Variants in KCNC4 observed in about 807,000 individuals in gnomAD.
The protein encoded by KCNC4 is potassium voltage-gated channel subfamily C member 4.
KCNC4 carries 23 observed loss-of-function variants against 42.8 expected under a neutral mutation model. The observed-to-expected ratio is 0.54, with a 90% CI of 0.39 to 0.76. The LOEUF (loss-of-function observed/expected upper bound fraction) is 0.76. KCNC4 is among the 30% of genes least tolerant of loss of function. The pLI is 0.00. For synonymous variants in KCNC4, 422 were observed against 393.5 expected (o/e 1.07, Z -0.86); for missense variants, 751 against 898.2 (o/e 0.84, Z 2.10).
At chr1:110,272,251 T>G (rs141346336) in intron 1 of KCNC4, among the ~76,000 whole-genome samples, 62 of 152,342 alleles carry the variant, frequency 4.1e-4, no homozygotes, top group African/African-American at 1.1e-3. Context: ...AGATTCACCC[T>G]CTTGAGAATT....
At chr1:110,239,650 C>T (rs1350945148) in exon 4 of KCNC4, 1 of 152,178 alleles carries the variant, frequency 6.6e-6, no homozygotes, top group African/African-American at 2.4e-5. Context: ...TCTTATTCCT[C>T]GCAAGCTGTC....
chr1:110,212,237 G>A, intron 1 of KCNC4, 60 bp downstream of exon 1: 1 of 1,372,336 alleles, frequency 7.3e-7, no homozygotes, highest in Non-Finnish European at 9.3e-7. Context: ...GTGGTGGGTG[G>A]TGGGTAGGGG....
At chr1:110,251,682 G>A (rs1234281949), downstream of KCNC4, among the ~76,000 whole-genome samples, 1 of 152,224 alleles carries the variant, frequency 6.6e-6, no homozygotes, top group Non-Finnish European at 1.5e-5. Flanking sequence ...AGGAACTTAA[G>A]TGACTTGGTT....
At chr1:110,279,451 A>G (rs189118368) in intron 1 of KCNC4, among the ~76,000 whole-genome samples, 1 of 152,252 alleles carries the variant, frequency 6.6e-6, no homozygotes, top group African/African-American at 2.4e-5. Context: ...CCCAATAAAC[A>G]TTTGTGGAAT....
At chr1:110,213,254 G>A (rs74559041) in intron 1 of KCNC4, among the ~76,000 whole-genome samples, 3,048 of 151,544 alleles carry the variant, frequency 0.02, 54 homozygotes, top group Non-Finnish European at 0.035. Context: ...GGCTGGTGTC[G>A]GATCTCATGG....
intron 1 of KCNC4, among the ~76,000 whole-genome samples, chr1:110,276,348 T>C (rs1344900555): frequency 6.8e-6 from 1 of 146,882 alleles, no homozygotes; most frequent in Non-Finnish European, 1.5e-5. Context: ...GTGACCTTTA[T>C]ACGTGAAGAA....
intron 1 of KCNC4, among the ~76,000 whole-genome samples, chr1:110,265,027 G>A (rs1233984429): frequency 6.7e-6 from 1 of 149,442 alleles, no homozygotes; most frequent in African/African-American, 2.5e-5. Context: ...GTTGCAGTGA[G>A]CCGAGATTGT....
Position 110,211,321 on chromosome 1 carries a change from A to C in KCNC4, c.-179A>C. On this transcript the variant is annotated 5_prime_UTR_variant, in exon 1 of 4. Transcript: ENST00000438661. The surrounding 1 kb of genome is among the most constrained non-coding windows in gnomAD (Gnocchi z 6.5). ...ACCACCTGTGTACCGGAGAAATCCA[A>C]CTCCTCCCGCTCCGCGTCCTAGGGG... is the stretch of plus-strand genomic sequence containing the variant. 1.1e-6 allele frequency: 1 copy of C among 910,774 alleles called. No homozygotes were observed. The highest frequency in any genetic ancestry group is 1.7e-5 in the African/African-American group (1 of 58,598). The allele number at this position is 910,774 out of a possible 1,614,324, so 56.4% of individuals were successfully genotyped here.
At chr1:110,226,732 C>T (rs893286924) in intron 3 of KCNC4, among the ~76,000 whole-genome samples, 1 of 152,188 alleles carries the variant, frequency 6.6e-6, no homozygotes, top group Non-Finnish European at 1.5e-5. Context: ...TGAGGCAGTG[C>T]CAGAGATGAC....
chr1:110,275,946 C>T (rs12097232), intron 1 of KCNC4, among the ~76,000 whole-genome samples: 6 of 128,536 alleles, frequency 4.7e-5, no homozygotes, highest in African/African-American at 1.7e-4. Context: ...TGAAAAGAGA[C>T]TCCGCCTCAA....
chr1:110,246,761 C>CTT (rs1202421467), exon 4 of KCNC4: 2 of 71,478 alleles, frequency 2.8e-5, no homozygotes, highest in African/African-American at 1.2e-4. Flanking sequence ...CTTTCTTTTT[C>CTT]TTTTCTTTTT....
At chr1:110,215,627 C>T (rs142627171) in intron 1 of KCNC4, among the ~76,000 whole-genome samples, 109 of 152,264 alleles carry the variant, frequency 7.2e-4, no homozygotes, top group African/African-American at 2.6e-3. Flanking sequence ...AGGAGGGGAC[C>T]CACAGGAACT....
intron 1 of KCNC4, among the ~76,000 whole-genome samples, chr1:110,262,962 G>A (rs547061991): frequency 1.3e-5 from 2 of 152,216 alleles, no homozygotes; most frequent in Non-Finnish European, 2.9e-5. Flanking sequence ...ATAGCCCTGT[G>A]AACAACAGAG....
chr1:110,232,370 G>A, intron 3 of KCNC4: 2 of 1,577,282 alleles, frequency 1.3e-6, no homozygotes, highest in Non-Finnish European at 1.7e-6. Context: ...AGCTCCTTGG[G>A]ACAATGGAAT....
At chr1:110,282,369 T>G (rs1307381483) in intron 1 of KCNC4, among the ~76,000 whole-genome samples, 1 of 152,220 alleles carries the variant, frequency 6.6e-6, no homozygotes, top group African/African-American at 2.4e-5. Flanking sequence ...CTGTCATCTC[T>G]CTGCTTCTTT....
At chr1:110,232,380 T>C in intron 3 of KCNC4, 1 of 1,559,556 alleles carries the variant, frequency 6.4e-7, no homozygotes, top group Non-Finnish European at 8.7e-7. Context: ...GACAATGGAA[T>C]ATCCCAGGGT....
At position 110,220,122 on chromosome 1, in the gene KCNC4, G is replaced by A. The variant is rs544178991; in HGVS notation, c.679-2842G>A. 3 of 152,356 alleles carry A rather than the reference G, an allele frequency of 2.0e-5. No individual in the cohort carries two copies. The South Asian group carries it at 6.2e-4, about 32-fold the overall frequency. The allele number at this position is 152,356 out of a possible 1,614,324, so 9.4% of individuals were successfully genotyped here. On this transcript the variant is annotated intron_variant, in intron 1 of 3. Coordinates refer to ENST00000438661, the MANE Select transcript of KCNC4 (RefSeq NM_001039574.3). The stretch of plus-strand genomic sequence containing the variant: ...TTTGAGCTGAGAGTCAGGAGACTTG[G>A]CCTCAGTGTGATCCTGAGCAAATCA...
chr1:110,215,305 G>A (rs891920455), intron 1 of KCNC4, among the ~76,000 whole-genome samples: 2 of 152,206 alleles, frequency 1.3e-5, no homozygotes, highest in East Asian at 1.9e-4. Context: ...CTGTGGTTCC[G>A]TTTCTGTGGC....
exon 4 of KCNC4, chr1:110,239,581 CAAAT>C (rs1490301169): frequency 6.6e-6 from 1 of 152,174 alleles, no homozygotes; most frequent in Non-Finnish European, 1.5e-5. Context: ...ATTTTATGAA[CAAAT>C]GAATGAATGG....
Sources: gnomAD v4.1 joint callset for allele counts (sites outside exome capture counted in the v4.1 genomes callset) on GRCh38, gnomAD v4.1.1 for gene constraint, Gnocchi (gnomAD v3.1) non-coding constraint, MANE v1.5 for transcripts, NCBI Gene and HGNC (gene_info 2026-07-23, HGNC 2026-07-21) for gene names.